SLC22A24: variants seen among roughly 807,000 people sequenced by gnomAD.
SLC22A24 encodes the protein steroid transmembrane transporter SLC22A24.
A neutral mutation model predicts 49.8 loss-of-function variants in SLC22A24; 53 were observed. The observed-to-expected ratio is 1.06, with a 90% confidence interval of 0.85 to 1.34. The LOEUF (loss-of-function observed/expected upper bound fraction) is 1.34, where lower values mean the gene tolerates loss of function less well. Among genes scored for constraint, SLC22A24 ranks in the 40% most tolerant of loss-of-function variants. The pLI is 0.00. For synonymous variants in SLC22A24, 302 were observed against 256.4 expected (o/e 1.18, Z -1.70); for missense variants, 786 against 675.9 (o/e 1.16, Z -1.81).
chr11:63,111,974 C>G (rs1232462927), intron 4 of SLC22A24, among the ~76,000 whole-genome samples: 3 of 151,920 alleles, frequency 2.0e-5, no homozygotes, highest in East Asian at 1.9e-4. Flanking sequence ...CTTGCTTTCT[C>G]TTGTGGGCAT....
At chr11:63,093,995 T>A (rs142724859) in intron 6 of SLC22A24, among the ~76,000 whole-genome samples, 23 of 138,416 alleles carry the variant, frequency 1.7e-4, no homozygotes, top group East Asian at 4.4e-4. Context: ...TAAAAAAAAA[T>A]TTGTTATTAT....
chr11:63,111,252 A>T (rs1324024887), intron 4 of SLC22A24, among the ~76,000 whole-genome samples: 3 of 151,738 alleles, frequency 2.0e-5, no homozygotes, highest in African/African-American at 7.2e-5. Flanking sequence ...TCGGTTTGCC[A>T]GTATTTTATT....
At chr11:63,134,502 A>T (rs1265127412) in intron 2 of SLC22A24, among the ~76,000 whole-genome samples, 163 bp downstream of exon 2, 1 of 152,228 alleles carries the variant, frequency 6.6e-6, no homozygotes, top group Admixed American at 6.5e-5. Flanking sequence ...TTTCTAATTC[A>T]AATAAGCATT....
chr11:63,141,203 A>G (rs1326576493), intron 1 of SLC22A24, among the ~76,000 whole-genome samples: 1 of 152,246 alleles, frequency 6.6e-6, no homozygotes, highest in East Asian at 1.9e-4. Context: ...TAAAAAACAA[A>G]CTTTAACATT....
intron 6 of SLC22A24, among the ~76,000 whole-genome samples, chr11:63,089,583 T>C (rs567417930): frequency 1.3e-5 from 2 of 152,198 alleles, no homozygotes; most frequent in Admixed American, 1.3e-4. Flanking sequence ...TAACCTTAAA[T>C]GTAAATGGGC....
At chr11:63,093,417 T>C (rs6591738) in intron 6 of SLC22A24, among the ~76,000 whole-genome samples, 81,065 of 151,920 alleles carry the variant, frequency 0.53, 21,670 homozygotes, top group African/African-American at 0.55. Context: ...GCACTATTTA[T>C]AATAGTAAAG....
intron 6 of SLC22A24, among the ~76,000 whole-genome samples, chr11:63,092,201 T>A (rs905781423): frequency 6.6e-6 from 1 of 151,668 alleles, no homozygotes; most frequent in African/African-American, 2.4e-5. Flanking sequence ...ACAAGGGACA[T>A]GAGGGACTTC....
At position 63,081,067 on chromosome 11, in the gene SLC22A24, G is replaced by C; in HGVS notation, c.1451C>G (p.Pro484Arg). Reference protein sequence around the residue: ...VSGRTGAALAPLLMTLMAYSP... With the variant: ...VSGRTGAALARLLMTLMAYSP... ...ATACGCCATTAAGGTCATCAACAGA[G>C]GAGCCAGTGCTGCCCCAGTCCTACC... is the stretch of plus-strand genomic sequence containing the variant. Residue 484 changes from proline to arginine, a missense_variant, in exon 9 of 10, where the codon CCT becomes CGT. Physicochemically the swap from Pro to Arg is moderately radical, Grantham distance 103. Transcript: ENST00000612278. The C allele has an allele frequency of 6.4e-7, 1 of 1,551,682 alleles. No individual in the cohort carries two copies. Among genetic ancestry groups the C allele is most frequent in the Non-Finnish European group, 8.7e-7 (1 of 1,146,962 alleles).
At chr11:63,141,405 C>A (rs995981647) in intron 1 of SLC22A24, among the ~76,000 whole-genome samples, 2 of 152,088 alleles carry the variant, frequency 1.3e-5, no homozygotes, top group Non-Finnish European at 1.5e-5. Context: ...AAAGCTAACC[C>A]CCCTCCATCG....
In SLC22A24 at chr11:63,081,613, C is replaced by G. The variant is rs2086960809; in HGVS notation, c.1339G>C (p.Ala447Pro). ...LATLGIGSVSAASNSASVHHN... is the reference protein window; with the variant it reads ...LATLGIGSVSPASNSASVHHN... ...TGGACAGAAGCACTGTTGCTAGCAG[C>G]AGAAACACTACCAATTCCCAAAGTT... Residue 447 changes from alanine (A) to proline (P), a missense_variant, in exon 8 of 10, where the codon GCT (alanine) becomes CCT (proline). Ala to Pro is a conservative substitution (Grantham distance 27, BLOSUM62 -1). Transcript: ENST00000612278. The G allele has an allele frequency of 1.9e-6, 3 of 1,551,602 alleles. No individual in the cohort carries two copies. In the South Asian group the frequency reaches 3.6e-5, roughly 18 times the overall value.
chr11:63,143,425 C>A lies in SLC22A24; in HGVS notation c.355G>T (p.Gly119Cys). The stretch of plus-strand genomic sequence containing the variant: ...AAAGAGCTTCTGTCGTACACCCAGC[C>A]ATCCACACAGGGCTCCGTGTCTGGC... ...NEPDTEPCVD[G>C]WVYDRSSFLS... Residue 119 changes from glycine to cysteine, a missense_variant, in exon 1 of 10, where the codon GGC (glycine) becomes TGC (cysteine). By Grantham distance (159) the Gly-to-Cys change is radical. Transcript: ENST00000612278. 6.5e-7 allele frequency: 1 copy of A among 1,535,616 alleles called. No individual in the cohort carries two copies. The highest frequency in any genetic ancestry group is 8.7e-7 in the Non-Finnish European group (1 of 1,146,646).
At chr11:63,140,688 A>G (rs1292826811) in intron 1 of SLC22A24, among the ~76,000 whole-genome samples, 1 of 152,230 alleles carries the variant, frequency 6.6e-6, no homozygotes, top group Non-Finnish European at 1.5e-5. Context: ...TTCACTAAAA[A>G]ACAAAAGTAG....
chr11:63,088,743 G>T (rs1268740358), intron 6 of SLC22A24, among the ~76,000 whole-genome samples: 1 of 151,916 alleles, frequency 6.6e-6, no homozygotes, highest in Non-Finnish European at 1.5e-5. Flanking sequence ...ATTACCTGAT[G>T]GAGCTGAAAA....
chr11:63,137,211 A>G (rs1228098609), intron 1 of SLC22A24, among the ~76,000 whole-genome samples: 1 of 152,284 alleles, frequency 6.6e-6, no homozygotes, highest in African/African-American at 2.4e-5. Flanking sequence ...CTTCTCCTTA[A>G]TCAGGAAGAT....
chr11:63,109,194 C>G (rs28864694), intron 4 of SLC22A24, among the ~76,000 whole-genome samples: 113,390 of 144,114 alleles, frequency 0.79, 45,866 homozygotes, highest in East Asian at 0.9. Context: ...TTTTATGGCT[C>G]CATAGTATTC....
intron 1 of SLC22A24, among the ~76,000 whole-genome samples, chr11:63,141,307 C>T (rs1042573595): frequency 1.3e-5 from 2 of 152,098 alleles, no homozygotes; most frequent in African/African-American, 4.8e-5. Flanking sequence ...TTTGTTTTCT[C>T]CTTTGGGTAA....
chr11:63,106,651 G>A (rs911435807), intron 4 of SLC22A24, among the ~76,000 whole-genome samples: 4 of 152,168 alleles, frequency 2.6e-5, no homozygotes, highest in African/African-American at 7.2e-5. Flanking sequence ...TCGCATCATG[G>A]TTTTGATTTG....
Position 63,143,383 on chromosome 11 carries a change from T to C in SLC22A24, c.397A>G (p.Thr133Ala), listed in dbSNP as rs367945806. The stretch of plus-strand genomic sequence containing the variant: ...ATTTACATGGGGCCTCTTACCTCAG[T>C]CACGATGGTGGAGAGGAAAGAGCTT... ...DRSSFLSTIV[T>A]EWDLVCESQS... Residue 133 changes from threonine (T) to alanine (A), a missense_variant, in exon 1 of 10, where the codon ACT becomes GCT. Thr to Ala is a moderately conservative substitution (Grantham distance 58). Coordinates refer to ENST00000612278, the MANE Select transcript of SLC22A24 (RefSeq NM_001136506.2). The C allele has an allele frequency of 2.1e-6, 3 of 1,450,668 alleles. No individual in the cohort carries two copies. The highest frequency in any genetic ancestry group is 2.9e-5 in the African/African-American group (2 of 68,908). The allele number at this position is 1,450,668 out of a possible 1,614,324, so 89.9% of individuals were successfully genotyped here.
chr11:63,126,009 G>GC (rs1555050609), intron 2 of SLC22A24, among the ~76,000 whole-genome samples: 3 of 151,328 alleles, frequency 2.0e-5, no homozygotes, highest in East Asian at 3.9e-4. Context: ...GGGGTCGTTT[G>GC]TTTTTTTTCT....
Sources: gnomAD v4.1 joint callset for allele counts (sites outside exome capture counted in the v4.1 genomes callset) on GRCh38, gnomAD v4.1.1 for gene constraint, MANE v1.5 for transcripts, NCBI Gene and HGNC (gene_info 2026-07-23, HGNC 2026-07-21) for gene names.